Variants in SHROOM3 observed in about 807,000 individuals in gnomAD.
The protein encoded by SHROOM3 is protein Shroom3.
Under a neutral mutation model 138.6 loss-of-function variants are expected in SHROOM3, and 47 were observed. The ratio of observed to expected loss-of-function variants is 0.34; its 90% CI spans 0.27 to 0.43. The LOEUF is 0.43. SHROOM3 is among the 20% of genes least tolerant of loss of function. The pLI is 1.00. For synonymous variants in SHROOM3, 1,062 were observed against 1,063.3 expected (o/e 1.00, Z 0.02); for missense variants, 2,491 against 2,596.5 (o/e 0.96, Z 0.88).
chr4:76,627,470 C>T (rs1039220462), intron 2 of SHROOM3, among the ~76,000 whole-genome samples: 6 of 152,070 alleles, frequency 3.9e-5, no homozygotes, highest in Admixed American at 3.9e-4. Context: ...AGAGATTCTA[C>T]CCAATATTGT....
intron 2 of SHROOM3, among the ~76,000 whole-genome samples, chr4:76,581,480 T>G (rs1734052431): frequency 6.6e-6 from 1 of 152,212 alleles, no homozygotes; most frequent in Non-Finnish European, 1.5e-5. Context: ...CATTGTATAA[T>G]AATACTTTGG....
At chr4:76,552,462 G>A (rs1316626086) in intron 1 of SHROOM3, among the ~76,000 whole-genome samples, 1 of 151,000 alleles carries the variant, frequency 6.6e-6, no homozygotes, top group African/African-American at 2.4e-5. Flanking sequence ...AGCCAAGACT[G>A]TGCCACTGCA....
intron 1 of SHROOM3, among the ~76,000 whole-genome samples, chr4:76,529,343 G>A (rs1174905690): frequency 1.3e-5 from 2 of 151,366 alleles, no homozygotes; most frequent in Non-Finnish European, 1.5e-5. Flanking sequence ...CTGAGACAGA[G>A]TCTCGCTCTG....
intron 3 of SHROOM3, among the ~76,000 whole-genome samples, chr4:76,724,043 T>G (rs1392633073): frequency 1.3e-5 from 2 of 152,208 alleles, no homozygotes; most frequent in Non-Finnish European, 2.9e-5. Context: ...TACTGTAGAT[T>G]TCTCAGAAAC....
Position 76,770,351 on chromosome 4 carries a change from A to AG in SHROOM3, c.5350-275_5350-274insG, listed in dbSNP as rs1560623512. Among the ~76,000 whole-genome samples, 4 of 130,748 alleles carry AG rather than the reference A, an allele frequency of 3.1e-5. No homozygotes were observed. In the East Asian group the frequency reaches 8.1e-4, roughly 27 times the overall value. 85.8% of individuals were successfully genotyped at this position (130,748 alleles called of 152,430 possible). On this transcript the variant is annotated intron_variant, in intron 9 of 10. Coordinates refer to ENST00000296043, the MANE Select transcript of SHROOM3 (RefSeq NM_020859.4). ...AAAAAAAAAAAAAAAAAAAAAAAAAACAGAAGACAAAGCTGTACATAGCAT... is the reference window on the plus strand; with the variant it reads ...AAAAAAAAAAAAAAAAAAAAAAAAAAGCAGAAGACAAAGCTGTACATAGCAT...
At chr4:76,693,993 C>A (rs1289022709) in intron 2 of SHROOM3, among the ~76,000 whole-genome samples, 1 of 151,812 alleles carries the variant, frequency 6.6e-6, no homozygotes, top group Non-Finnish European at 1.5e-5. Flanking sequence ...AAAACTCGAT[C>A]TCTCTATCAA....
At chr4:76,530,404 GC>G (rs1732806267) in intron 1 of SHROOM3, among the ~76,000 whole-genome samples, 3 of 152,138 alleles carry the variant, frequency 2.0e-5, no homozygotes, top group Non-Finnish European at 4.4e-5. Context: ...GCCTTGATCA[GC>G]TGCTGTGATG....
chr4:76,550,038 T>C (rs1475561847), intron 1 of SHROOM3, among the ~76,000 whole-genome samples: 1 of 152,166 alleles, frequency 6.6e-6, no homozygotes, highest in African/African-American at 2.4e-5. Context: ...GTTGTTTAAA[T>C]GGATCAATTT....
intron 1 of SHROOM3, among the ~76,000 whole-genome samples, chr4:76,465,558 T>C (rs1285416967): frequency 6.6e-6 from 1 of 152,224 alleles, no homozygotes; most frequent in Non-Finnish European, 1.5e-5. Context: ...CTGCCTTCCC[T>C]CCTGGCTTTC....
At chr4:76,592,051 T>C (rs1734284460) in intron 2 of SHROOM3, among the ~76,000 whole-genome samples, 1 of 152,206 alleles carries the variant, frequency 6.6e-6, no homozygotes, top group African/African-American at 2.4e-5. Context: ...AGAGAGCGTA[T>C]TGCAATTTTT....
intron 1 of SHROOM3, among the ~76,000 whole-genome samples, chr4:76,545,758 A>AC (rs1264311606): frequency 6.6e-6 from 1 of 152,154 alleles, no homozygotes; most frequent in Non-Finnish European, 1.5e-5. Context: ...CAATCCTTAC[A>AC]CCAACCCTAT....
intron 2 of SHROOM3, among the ~76,000 whole-genome samples, chr4:76,572,823 G>T: frequency 6.6e-6 from 1 of 152,174 alleles, no homozygotes. Context: ...GCTCAAGCCT[G>T]TAATCCCAGC....
rs1270655131 is a variant in SHROOM3, at chr4:76,608,743, T to TAGCATAGCAC, written c.323+52984_323+52985insTAGCACAGCA. Among the ~76,000 whole-genome samples, 216 of 130,494 alleles carry TAGCATAGCAC rather than the reference T, an allele frequency of 1.7e-3. 26 individuals carry two copies. Among genetic ancestry groups the TAGCATAGCAC allele is most frequent in the Middle Eastern group, 7.4e-3 (2 of 272 alleles). 85.6% of individuals were successfully genotyped at this position (130,494 alleles called of 152,430 possible). A position where few individuals can be genotyped will look rare whatever the true frequency, so the allele number is the denominator to read the frequency against. On this transcript the variant is annotated intron_variant, in intron 2 of 10. Transcript: ENST00000296043. ...CAGCACAGCACAGCATAGCATAGCA[T>TAGCATAGCAC]AGCACAGTGTCAGGTTAGAAGGCCT...
At position 76,741,473 on chromosome 4, in the gene SHROOM3, C is replaced by T. The variant is rs1434705091; in HGVS notation, c.3300C>T (p.Ser1100=). The T allele has an allele frequency of 3.8e-6, 6 of 1,562,546 alleles. No individual in the cohort carries two copies. The highest frequency in any genetic ancestry group is 4.7e-5 in the East Asian group (2 of 42,158). ...IQRKTGKRPT[S]AAGCSLQEPG... is the part of the protein sequence containing the mutation. ...GCAAGACCGGCAAGCGGCCTACCTC[C>T]GCCGCCGGCTGCAGCCTCCAGGAGC... Residue 1100 remains serine, a synonymous_variant, in exon 5 of 11, where the codon TCC becomes TCT. Coordinates refer to ENST00000296043, the MANE Select transcript of SHROOM3 (RefSeq NM_020859.4). The surrounding 1 kb of genome is among the most constrained non-coding windows in gnomAD (Gnocchi z 6.2).
intron 2 of SHROOM3, among the ~76,000 whole-genome samples, chr4:76,583,432 G>A (rs960264575): frequency 2.1e-4 from 32 of 152,212 alleles, no homozygotes; most frequent in Admixed American, 2.1e-3. Flanking sequence ...AGCTCTTCCT[G>A]TAGACCAAGC....
chr4:76,686,812 G>C (rs1719349049), intron 2 of SHROOM3, among the ~76,000 whole-genome samples: 1 of 152,200 alleles, frequency 6.6e-6, no homozygotes, highest in South Asian at 2.1e-4. Flanking sequence ...AGAGAAGGGA[G>C]GAAACTGACT....
chr4:76,606,707 AATAAATAC>A (rs1313605768), intron 2 of SHROOM3, among the ~76,000 whole-genome samples: 1 of 151,396 alleles, frequency 6.6e-6, no homozygotes, highest in East Asian at 1.9e-4. Flanking sequence ...CCTCTCAAAA[AATAAATAC>A]ATACATACAT....
chr4:76,527,034 T>A (rs940008912), intron 1 of SHROOM3, among the ~76,000 whole-genome samples: 12 of 152,156 alleles, frequency 7.9e-5, no homozygotes, highest in Admixed American at 7.9e-4. Context: ...CAGAGAGCTG[T>A]TGCTGATGCT....
chr4:76,534,523 A>G (rs1431733354), intron 1 of SHROOM3, among the ~76,000 whole-genome samples: 1 of 92,624 alleles, frequency 1.1e-5, no homozygotes, highest in East Asian at 7.0e-4. Flanking sequence ...GTCATTGACC[A>G]TTAAACATAC....
Sources: gnomAD v4.1 joint callset for allele counts (sites outside exome capture counted in the v4.1 genomes callset) on GRCh38, gnomAD v4.1.1 for gene constraint, Gnocchi (gnomAD v3.1) non-coding constraint, MANE v1.5 for transcripts, NCBI Gene and HGNC (gene_info 2026-07-23, HGNC 2026-07-21) for gene names.